EMP2: variants seen among roughly 807,000 people sequenced by gnomAD.
EMP2 encodes epithelial membrane protein 2.
A neutral mutation model predicts 13.7 loss-of-function variants in EMP2; 19 were observed. That is an observed-to-expected ratio of 1.38 (90% CI 0.97 to 2.03). EMP2 has a LOEUF of 2.03. Among genes scored for constraint, EMP2 ranks in the 30% most tolerant of loss-of-function variants. The pLI is 0.00. For missense variants in EMP2, 253 were observed against 220.7 expected, an observed-to-expected ratio of 1.15 and a Z score of -0.93; for synonymous variants, 97 against 84.7, an observed-to-expected ratio of 1.15 and a Z score of -0.80.
intron 1 of EMP2, among the ~76,000 whole-genome samples, chr16:10,576,268 C>T (rs1567212152): frequency 6.6e-6 from 1 of 152,050 alleles, no homozygotes; most frequent in East Asian, 1.9e-4. Flanking sequence ...AGTGGTAACA[C>T]ATTTTGGAAA....
At chr16:10,575,251 T>A (rs1415262138) in intron 1 of EMP2, among the ~76,000 whole-genome samples, 14 of 86,800 alleles carry the variant, frequency 1.6e-4, no homozygotes, top group South Asian at 1.1e-3. Context: ...TTTTTTTTTT[T>A]TTTTTTTTTT....
At chr16:10,579,880 G>C (rs953055877) in intron 1 of EMP2, among the ~76,000 whole-genome samples, 2 of 152,160 alleles carry the variant, frequency 1.3e-5, no homozygotes, top group African/African-American at 4.8e-5. Context: ...AGCGTGCTCA[G>C]ATCTCTGGAT....
At chr16:10,550,695 C>T (rs2050780482) in intron 1 of EMP2, among the ~76,000 whole-genome samples, 2 of 152,148 alleles carry the variant, frequency 1.3e-5, no homozygotes, top group South Asian at 4.1e-4. Flanking sequence ...CTTTGTAAGG[C>T]TGGGCATGGT....
At chr16:10,539,717 A>T (rs2142173378) in intron 3 of EMP2, among the ~76,000 whole-genome samples, 1 of 152,186 alleles carries the variant, frequency 6.6e-6, no homozygotes, top group Admixed American at 6.6e-5. Context: ...TAACTCCATT[A>T]AAAAAAGAAA....
At chr16:10,548,472 T>A (rs1037994481) in intron 1 of EMP2, among the ~76,000 whole-genome samples, 3 of 152,122 alleles carry the variant, frequency 2.0e-5, no homozygotes, top group Non-Finnish European at 4.4e-5. Context: ...AAGAGGATGT[T>A]AATTAAGCCC....
intron 1 of EMP2, among the ~76,000 whole-genome samples, chr16:10,579,935 A>C (rs12931023): frequency 0.27 from 41,439 of 151,900 alleles, 6,093 homozygotes; most frequent in Non-Finnish European, 0.32. Context: ...AGCCTCTCCT[A>C]CCTCTGGAAC....
intron 1 of EMP2, among the ~76,000 whole-genome samples, chr16:10,551,796 C>G (rs16957433): frequency 0.059 from 8,952 of 152,174 alleles, 881 homozygotes; most frequent in African/African-American, 0.2. Context: ...AACCCTCCAC[C>G]TTTTCACTGC....
intron 1 of EMP2, among the ~76,000 whole-genome samples, chr16:10,562,145 C>A (rs1357587806): frequency 6.6e-6 from 1 of 152,154 alleles, no homozygotes; most frequent in Non-Finnish European, 1.5e-5. Context: ...CAATATCCCA[C>A]ATGTGCATGA....
chr16:10,535,619 A>G (rs922288519), intron 4 of EMP2, among the ~76,000 whole-genome samples: 1 of 151,926 alleles, frequency 6.6e-6, no homozygotes, highest in South Asian at 2.1e-4. Flanking sequence ...CTGAGGTGGG[A>G]GCATTGCTTG....
chr16:10,560,768 G>A (rs1289621748), intron 1 of EMP2, among the ~76,000 whole-genome samples: 2 of 152,166 alleles, frequency 1.3e-5, no homozygotes, highest in Non-Finnish European at 2.9e-5. Flanking sequence ...GCGGAGTGGT[G>A]GGGAGAGGGT....
chr16:10,529,960 A>T lies in EMP2; in HGVS notation c.*2945T>A, dbSNP rs2050585292. 6.6e-6 allele frequency: 1 copy of T among 152,068 alleles called. No homozygotes were observed. Among genetic ancestry groups the T allele is most frequent in the Admixed American group, 6.6e-5 (1 of 15,260 alleles). 9.4% of individuals were successfully genotyped at this position (152,068 alleles called of 1,614,324 possible). On this transcript the variant is annotated 3_prime_UTR_variant, in exon 5 of 5. Transcript: ENST00000359543. ...AAAAAAAAAAAAAAAGAAAAAGAAAAAAGAAAATTATAGAAAAGCCACCAA... is the reference window on the plus strand; with the variant it reads ...AAAAAAAAAAAAAAAGAAAAAGAAATAAGAAAATTATAGAAAAGCCACCAA...
intron 1 of EMP2, among the ~76,000 whole-genome samples, chr16:10,560,261 C>T (rs1384400053): frequency 6.6e-6 from 1 of 152,178 alleles, no homozygotes; most frequent in East Asian, 1.9e-4. Context: ...ACATGCTTTG[C>T]AAAGCACACT....
In EMP2 at chr16:10,562,065, T is replaced by C. The variant is rs140988352; in HGVS notation, c.-60-14388A>G. ...GAAGAGAAGGGGACACCCCACCTCATTCTGTGAGGCCAGCATTGCCTTGAT... is the reference window on the plus strand; with the variant it reads ...GAAGAGAAGGGGACACCCCACCTCACTCTGTGAGGCCAGCATTGCCTTGAT... On this transcript the variant is annotated intron_variant, in intron 1 of 4. Transcript: ENST00000359543. 2.0e-5 allele frequency among the ~76,000 whole-genome samples: 3 copies of C among 152,288 alleles called. No individual in the cohort carries two copies. The East Asian group carries it at 5.8e-4, about 29-fold the overall frequency.
rs2050573387 is a variant in EMP2 at position 10,528,570 on chromosome 16, T to G, written c.*4335A>C. On this transcript the variant is annotated 3_prime_UTR_variant, in exon 5 of 5. Transcript: ENST00000359543. ...CGTTGGGAACATTAGAGTCTTGCTC[T>G]GGGCAATCTGGTTTTAAACTTTATT... 2 of 152,246 alleles carry G rather than the reference T, an allele frequency of 1.3e-5. No individual in the cohort carries two copies. The highest frequency in any genetic ancestry group is 4.8e-5 in the African/African-American group (2 of 41,476). 9.4% of individuals were successfully genotyped at this position (152,246 alleles called of 1,614,324 possible).
intron 1 of EMP2, among the ~76,000 whole-genome samples, chr16:10,558,025 T>A (rs1217293436): frequency 1.4e-5 from 2 of 144,730 alleles, no homozygotes; most frequent in Non-Finnish European, 3.0e-5. Context: ...GCTCAGTGAG[T>A]TTCAAGTTTT....
At position 10,529,258 on chromosome 16, in the gene EMP2, A is replaced by G. The variant is rs1377973526; in HGVS notation, c.*3647T>C. 6.6e-6 allele frequency: 1 copy of G among 152,208 alleles called. No homozygotes were observed. The highest frequency in any genetic ancestry group is 2.4e-5 in the African/African-American group (1 of 41,458). The allele number at this position is 152,208 out of a possible 1,614,324, so 9.4% of individuals were successfully genotyped here. Reference sequence around the variant, plus strand: ...CCTAATATGTGCTTCTTGGATGTCTACTAATTTTGTTGTTGTTATTGTTCT... The same window carrying G: ...CCTAATATGTGCTTCTTGGATGTCTGCTAATTTTGTTGTTGTTATTGTTCT... On this transcript the variant is annotated 3_prime_UTR_variant, in exon 5 of 5. Coordinates refer to ENST00000359543, the MANE Select transcript of EMP2 (RefSeq NM_001424.6).
chr16:10,541,063 G>C (rs2050693676), intron 3 of EMP2, among the ~76,000 whole-genome samples: 1 of 151,590 alleles, frequency 6.6e-6, no homozygotes, highest in African/African-American at 2.4e-5. Flanking sequence ...ACTCCAGCCA[G>C]AGTGACAAAG....
chr16:10,537,864 C>A (rs73502095), intron 4 of EMP2, 64 bp downstream of exon 4: 3 of 1,584,420 alleles, frequency 1.9e-6, no homozygotes, highest in Non-Finnish European at 2.6e-6. Context: ...TCCCTCCTGG[C>A]GGCTGGGAAG....
chr16:10,554,884 G>A (rs968016024), intron 1 of EMP2, among the ~76,000 whole-genome samples: 2 of 152,122 alleles, frequency 1.3e-5, no homozygotes, highest in Admixed American at 6.6e-5. Flanking sequence ...TGAGCATACC[G>A]TGTAAAGTAA....
Sources: gnomAD v4.1 joint callset for allele counts (sites outside exome capture counted in the v4.1 genomes callset) on GRCh38, gnomAD v4.1.1 for gene constraint, MANE v1.5 for transcripts, NCBI Gene and HGNC (gene_info 2026-07-23, HGNC 2026-07-21) for gene names.